Variants in ARHGAP29 observed in about 807,000 individuals in gnomAD.
ARHGAP29 encodes the protein rho GTPase-activating protein 29.
In ARHGAP29, 43 loss-of-function variants were observed where a neutral mutation model predicts 122.6. That is an observed-to-expected ratio of 0.35 (90% confidence interval 0.27 to 0.45). ARHGAP29 has a LOEUF of 0.45. Among genes scored for constraint, ARHGAP29 ranks in the 20% least tolerant of loss-of-function variants. The probability of loss-of-function intolerance (pLI) is 1.00; values close to 1 mark genes in which losing one functional copy is unlikely to be tolerated. For missense variants in ARHGAP29, 1,303 were observed against 1,477.2 expected, an observed-to-expected ratio of 0.88 and a Z score of 1.93; for synonymous variants, 506 against 497.1, an observed-to-expected ratio of 1.02 and a Z score of -0.24.
intron 19 of ARHGAP29, among the ~76,000 whole-genome samples, chr1:94,182,602 C>T (rs912754339): frequency 6.6e-6 from 1 of 152,134 alleles, no homozygotes. Flanking sequence ...AGAAGGATTT[C>T]AGGCTTCAAA....
Position 94,209,254 on chromosome 1 carries a change from A to G in ARHGAP29, c.437T>C (p.Ile146Thr), listed in dbSNP as rs768713857. 8.1e-6 allele frequency: 13 copies of G among 1,604,292 alleles called. No homozygotes were observed. Among genetic ancestry groups the G allele is most frequent in the South Asian group, 4.4e-5 (4 of 89,924 alleles). Residue 146 changes from isoleucine (I) to threonine (T), a missense_variant and splice_region_variant, in exon 4 of 23, where the codon ATC becomes ACC. Ile to Thr is a moderately conservative substitution (Grantham distance 89). This residue lies in a region of ARHGAP29 where 592 missense variants were observed against 648.2 expected (regional missense o/e 0.91). Transcript: ENST00000260526. ...IETLAFTFGNILTNFLMGDVG... is the reference protein window; with the variant it reads ...IETLAFTFGNTLTNFLMGDVG... Reference sequence around the variant, plus strand: ...CTTTAAATGACAGTTCTCTACTTACATATTTCCAAAGGTAAATGCCAAAGT... The same window carrying G: ...CTTTAAATGACAGTTCTCTACTTACGTATTTCCAAAGGTAAATGCCAAAGT...
chr1:94,190,462 C>G (rs1337048887), intron 12 of ARHGAP29: 1 of 160,266 alleles, frequency 6.2e-6, no homozygotes, highest in Non-Finnish European at 1.4e-5. Flanking sequence ...GAAAACACTT[C>G]CAATCAAAGA....
At chr1:94,310,782 A>AG in the ARHGAP29 span, among the ~76,000 whole-genome samples, 7 of 151,876 alleles carry the variant, frequency 4.6e-5, no homozygotes, top group Admixed American at 4.6e-4. Context: ...TCAGTGATAA[A>AG]GGGGGGCAGG....
At position 94,260,461 on chromosome 1, in the gene ARHGAP29, T is replaced by C. The variant is rs78053521; in HGVS notation, c.-33+14551A>G. Among the ~76,000 whole-genome samples, 1,477 of 152,270 alleles carry C rather than the reference T, an allele frequency of 9.7e-3. 25 individuals are homozygous for C. Among genetic ancestry groups the C allele is most frequent in the African/African-American group, 0.034 (1,415 of 41,554 alleles). On this transcript the variant is annotated intron_variant and NMD_transcript_variant, in intron 1 of 25. Coordinates refer to the ARHGAP29 transcript ENST00000552844. ...GCTCCTATATCCCATCCTCAGCTGA[T>C]TCAATCAAATTTGGGTATCTGGTCC...
Position 94,209,114 on chromosome 1 carries a change from A to T in ARHGAP29, c.437+140T>A, listed in dbSNP as rs1651410327. The T allele has an allele frequency of 2.0e-5, 16 of 787,972 alleles. No homozygotes were observed. In the East Asian group the frequency reaches 4.3e-4, roughly 21 times the overall value. 48.8% of individuals were successfully genotyped at this position (787,972 alleles called of 1,614,324 possible). A position where few individuals can be genotyped will look rare whatever the true frequency, so the allele number is the denominator to read the frequency against. On this transcript the variant is annotated intron_variant, in intron 4 of 22. Coordinates refer to ENST00000260526, the MANE Select transcript of ARHGAP29 (RefSeq NM_004815.4). The stretch of plus-strand genomic sequence containing the variant: ...TATCTTCGAATATAGTAATAAGGCC[A>T]TACAGAAGGTAGTTTTTCCGAAGTT...
the ARHGAP29 span, among the ~76,000 whole-genome samples, chr1:94,291,488 G>C: frequency 0.024 from 3,661 of 152,204 alleles, 171 homozygotes; most frequent in African/African-American, 0.084. Flanking sequence ...ATTTGATCCT[G>C]TCATTATGAT....
chr1:94,256,660 G>A (rs1158612532), intron 1 of ARHGAP29, among the ~76,000 whole-genome samples: 1 of 136,558 alleles, frequency 7.3e-6, no homozygotes, highest in Non-Finnish European at 1.5e-5. Flanking sequence ...CCAGGTTCAC[G>A]CCATTCTCCT....
chr1:94,184,899 C>T lies in ARHGAP29; in HGVS notation c.2082G>A (p.Glu694=), dbSNP rs1366119165. ...IPFILKICAS[E]IENRALCLQG... ...GTAGACACAAAGCTCTATTTTCAAT[C>T]TCTGAGGCACATATTTTGAGTATAA... The change falls in exon 18 of 23, where the codon GAG becomes GAA. Residue 694 remains glutamate, a synonymous_variant. Transcript: ENST00000260526. 6.2e-7 allele frequency: 1 copy of T among 1,602,406 alleles called. No individual in the cohort carries two copies. The highest frequency in any genetic ancestry group is 2.2e-5 in the East Asian group (1 of 44,478).
At position 94,187,811 on chromosome 1, in the gene ARHGAP29, G is replaced by A. The variant is rs150048416; in HGVS notation, c.1681+1026C>T. Reference sequence around the variant, plus strand: ...TTACAAAGCTAATTACAAATATTGAGCTCAATATTAGGCTCACATTTCCAG... The same window carrying A: ...TTACAAAGCTAATTACAAATATTGAACTCAATATTAGGCTCACATTTCCAG... On this transcript the variant is annotated intron_variant, in intron 15 of 22. Coordinates refer to ENST00000260526, the MANE Select transcript of ARHGAP29 (RefSeq NM_004815.4). Among the ~76,000 whole-genome samples the A allele has an allele frequency of 2.6e-5, 4 of 152,218 alleles. No individual in the cohort carries two copies. In the East Asian group the frequency reaches 7.7e-4, roughly 29 times the overall value.
At chr1:94,302,524 T>A in the ARHGAP29 span, 1 of 326,598 alleles carries the variant, frequency 3.1e-6, no homozygotes, top group Non-Finnish European at 6.0e-6. Flanking sequence ...AACTCTGGCA[T>A]CATGAAGCGA....
At chr1:94,282,255 C>CTTTATCTA in the ARHGAP29 span, among the ~76,000 whole-genome samples, 1 of 141,408 alleles carries the variant, frequency 7.1e-6, no homozygotes, top group Non-Finnish European at 1.5e-5. Context: ...AGTGATAGTG[C>CTTTATCTA]TTTATTTATT....
chr1:94,304,909 G>C, the ARHGAP29 span, among the ~76,000 whole-genome samples: 1 of 152,168 alleles, frequency 6.6e-6, no homozygotes, highest in Non-Finnish European at 1.5e-5. Flanking sequence ...GGTTAAAAAA[G>C]CAAATCTGCT....
chr1:94,285,896 A>G, the ARHGAP29 span, among the ~76,000 whole-genome samples: 10 of 151,836 alleles, frequency 6.6e-5, no homozygotes, highest in South Asian at 6.2e-4. Context: ...AAAAAGAAAA[A>G]AAAAAAGAAC....
intron 1 of ARHGAP29, among the ~76,000 whole-genome samples, chr1:94,256,576 G>T (rs79116759): frequency 6.0e-5 from 2 of 33,328 alleles, no homozygotes; most frequent in African/African-American, 2.0e-4. Flanking sequence ...TTTTTTTTTT[G>T]AGACAGAGTC....
chr1:94,307,795 A>T, the ARHGAP29 span, among the ~76,000 whole-genome samples: 1 of 152,250 alleles, frequency 6.6e-6, no homozygotes, highest in African/African-American at 2.4e-5. Flanking sequence ...TAAAAGCTAT[A>T]CATTAAATAG....
At chr1:94,210,829 A>C (rs1651546128) in intron 3 of ARHGAP29, among the ~76,000 whole-genome samples, 1 of 151,410 alleles carries the variant, frequency 6.6e-6, no homozygotes, top group Non-Finnish European at 1.5e-5. Context: ...CTTGTGGCCA[A>C]GAGTTCAAGA....
chr1:94,196,256 CTTTTTTT>C (rs917635883), intron 12 of ARHGAP29, among the ~76,000 whole-genome samples: 2 of 91,150 alleles, frequency 2.2e-5, no homozygotes, highest in African/African-American at 8.8e-5. Context: ...CCGTGTTTTT[CTTTTTTT>C]TTTTTTTTTT....
chr1:94,179,237 T>C (rs767754435), intron 20 of ARHGAP29, among the ~76,000 whole-genome samples: 13 of 152,104 alleles, frequency 8.5e-5, no homozygotes, highest in East Asian at 1.9e-4. Flanking sequence ...CTTACACAGA[T>C]TGGAAATGAA....
intron 1 of ARHGAP29, among the ~76,000 whole-genome samples, chr1:94,232,202 T>C (rs531103952): frequency 6.6e-6 from 1 of 152,310 alleles, no homozygotes; most frequent in African/African-American, 2.4e-5. Context: ...TATTCATCTC[T>C]TTACTTCAGT....
Sources: allele counts gnomAD v4.1 joint callset (sites outside exome capture counted in the v4.1 genomes callset), GRCh38; gene constraint gnomAD v4.1.1; regional missense constraint gnomAD v4.1.1; transcripts MANE v1.5; gene names NCBI Gene and HGNC (gene_info 2026-07-23, HGNC 2026-07-21).